LRRC57: variants seen among roughly 807,000 people sequenced by gnomAD.
LRRC57 encodes the protein leucine rich repeat containing 57.
In LRRC57, 14 loss-of-function variants were observed where a neutral mutation model predicts 23.1. The observed-to-expected ratio is 0.61, with a 90% confidence interval of 0.40 to 0.95. LRRC57 has a LOEUF of 0.95. Among genes scored for constraint, LRRC57 ranks in the 40% least tolerant of loss-of-function variants. LRRC57 has a pLI of 0.00. For synonymous variants in LRRC57, 106 were observed against 115.2 expected, an observed-to-expected ratio of 0.92 and a Z score of 0.51; for missense variants, 236 against 284.4, an observed-to-expected ratio of 0.83 and a Z score of 1.22.
chr15:42,547,358 T>C lies in LRRC57; in HGVS notation c.395A>G (p.His132Arg). The C allele has an allele frequency of 6.2e-7, 1 of 1,614,214 alleles. No homozygotes were observed. The highest frequency in any genetic ancestry group is 8.5e-7 in the Non-Finnish European group (1 of 1,180,034). Residue 132 changes from histidine (H) to arginine (R), a missense_variant, in exon 4 of 6, where the codon CAC becomes CGC. Transcript: ENST00000397130. ...CTTAGAGAGATCCATCACATCCAGG[T>C]GCCGTAGGCTACAAAGTTGGGGAGG... ...ALPPQLCSLR[H>R]LDVMDLSKNQ...
At chr15:42,528,731 G>T in the LRRC57 span, among the ~76,000 whole-genome samples, 1 of 152,096 alleles carries the variant, frequency 6.6e-6, no homozygotes, top group Non-Finnish European at 1.5e-5. Flanking sequence ...GACTACAGGT[G>T]TGCGCCACCA....
chr15:42,534,242 T>G (rs1022477550), downstream of LRRC57, among the ~76,000 whole-genome samples: 1 of 152,236 alleles, frequency 6.6e-6, no homozygotes, highest in African/African-American at 2.4e-5. Context: ...GCGATTCTCC[T>G]GCCTCAGCCT....
At chr15:42,544,580 TG>T (rs944924067) in intron 5 of LRRC57, among the ~76,000 whole-genome samples, 1 of 151,698 alleles carries the variant, frequency 6.6e-6, no homozygotes, top group Non-Finnish European at 1.5e-5. Context: ...CCCAGCACCT[TG>T]GGAGGCTGCG....
rs1317513073 is a variant in LRRC57 at position 42,539,497 on chromosome 15, A to AAAAAAAAAAG, written c.*4585_*4586insCTTTTTTTTT. The AAAAAAAAAAG allele has an allele frequency of 1.3e-5, 2 of 149,258 alleles. No individual in the cohort carries two copies. The allele number at this position is 149,258 out of a possible 1,614,324, so 9.2% of individuals were successfully genotyped here. A position where few individuals can be genotyped will look rare whatever the true frequency, so the allele number is the denominator to read the frequency against. On this transcript the variant is annotated 3_prime_UTR_variant, in exon 6 of 6. Transcript: ENST00000397130. ...TGTCTCAAAAAAAAAAAAAAAAAAA[A>AAAAAAAAAAG]AGAGACTTAAAAGCCAGGCAGTGGC...
Position 42,539,477 on chromosome 15 carries a change from C to CAAAAAAAAAAAAAAAAAAAAAAAAAAAA in LRRC57, c.*4605_*4606insTTTTTTTTTTTTTTTTTTTTTTTTTTTT, listed in dbSNP as rs1164646488. The CAAAAAAAAAAAAAAAAAAAAAAAAAAAA allele has an allele frequency of 4.6e-5, 2 of 43,662 alleles. 1 individual carries two copies. Among genetic ancestry groups the CAAAAAAAAAAAAAAAAAAAAAAAAAAAA allele is most frequent in the Non-Finnish European group, 7.3e-5 (2 of 27,402 alleles). 2.7% of individuals were successfully genotyped at this position (43,662 alleles called of 1,614,324 possible). On this transcript the variant is annotated 3_prime_UTR_variant, in exon 6 of 6. Coordinates refer to ENST00000397130, the MANE Select transcript of LRRC57 (RefSeq NM_153260.3). ...TGGGCGAAACAGACAGCCTCTGTCT[C>CAAAAAAAAAAAAAAAAAAAAAAAAAAAA]AAAAAAAAAAAAAAAAAAAAAGAGA...
At chr15:42,528,894 T>A in the LRRC57 span, among the ~76,000 whole-genome samples, 2 of 152,194 alleles carry the variant, frequency 1.3e-5, no homozygotes, top group Non-Finnish European at 2.9e-5. Flanking sequence ...CCAGACAAAA[T>A]GTTGACTGTG....
chr15:42,531,352 A>C, the LRRC57 span: 1 of 1,215,832 alleles, frequency 8.2e-7, no homozygotes, highest in Non-Finnish European at 1.1e-6. Context: ...CCAAGTGTAA[A>C]AAGTTTAATT....
At chr15:42,531,561 C>T in the LRRC57 span, 8 of 1,000,554 alleles carry the variant, frequency 8.0e-6, no homozygotes, top group Middle Eastern at 2.8e-4. Context: ...TTTAAGTTTT[C>T]GGTTCCACGC....
At chr15:42,547,196 A>G (rs2057662324) in intron 4 of LRRC57, 65 bp downstream of exon 4, 1 of 1,521,904 alleles carries the variant, frequency 6.6e-7, no homozygotes. Context: ...CAAGAGGTTA[A>G]CAGGTATCAG....
chr15:42,531,304 C>G, the LRRC57 span: 1 of 620,660 alleles, frequency 1.6e-6, no homozygotes. Flanking sequence ...AATGTAACTT[C>G]ACGTGGTTTC....
At chr15:42,544,810 C>G (rs948720596) in intron 5 of LRRC57, among the ~76,000 whole-genome samples, 3 of 139,462 alleles carry the variant, frequency 2.2e-5, no homozygotes, top group Non-Finnish European at 3.1e-5. Flanking sequence ...GAGTGAGACC[C>G]TGTCTCACAC....
Position 42,543,931 on chromosome 15 carries a change from T to G in LRRC57, c.*152A>C. The G allele has an allele frequency of 3.8e-5, 21 of 552,166 alleles. No individual in the cohort carries two copies. Among genetic ancestry groups the G allele is most frequent in the Non-Finnish European group, 5.8e-5 (18 of 310,636 alleles). 34.2% of individuals were successfully genotyped at this position (552,166 alleles called of 1,614,324 possible). On this transcript the variant is annotated 3_prime_UTR_variant, in exon 6 of 6. Transcript: ENST00000397130. ...AGCTTATTTGAGAAGAGCCCTGAAA[T>G]GAGAAAAGATCATTGAGTGAAATAT... is the stretch of plus-strand genomic sequence containing the variant.
chr15:42,542,781 A>C lies in LRRC57; in HGVS notation c.*1302T>G, dbSNP rs2057636901. 1 of 152,610 alleles carries C rather than the reference A, an allele frequency of 6.6e-6. No individual in the cohort carries two copies. Among genetic ancestry groups the C allele is most frequent in the Non-Finnish European group, 1.5e-5 (1 of 68,044 alleles). The allele number at this position is 152,610 out of a possible 1,614,324, so 9.5% of individuals were successfully genotyped here. A position where few individuals can be genotyped will look rare whatever the true frequency, so the allele number is the denominator to read the frequency against. On this transcript the variant is annotated 3_prime_UTR_variant, in exon 6 of 6. Coordinates refer to ENST00000397130, the MANE Select transcript of LRRC57 (RefSeq NM_153260.3). Reference sequence around the variant, plus strand: ...TGGCTCTTCAGAGCCCTCTACCAATAAGGCACCTGCAATAGTAGATAATTT... The same window carrying C: ...TGGCTCTTCAGAGCCCTCTACCAATCAGGCACCTGCAATAGTAGATAATTT...
chr15:42,546,810 A>C (rs1218127681), intron 4 of LRRC57, among the ~76,000 whole-genome samples: 1 of 152,228 alleles, frequency 6.6e-6, no homozygotes, highest in Non-Finnish European at 1.5e-5. Flanking sequence ...AAGGAGACAC[A>C]CTTTGTAACA....
chr15:42,541,720 T>C lies in LRRC57; in HGVS notation c.*2363A>G, dbSNP rs1025761861. 6.6e-6 allele frequency: 1 copy of C among 152,070 alleles called. No individual in the cohort carries two copies. Among genetic ancestry groups the C allele is most frequent in the Non-Finnish European group, 1.5e-5 (1 of 68,026 alleles). The allele number at this position is 152,070 out of a possible 1,614,324, so 9.4% of individuals were successfully genotyped here. A position where few individuals can be genotyped will look rare whatever the true frequency, so the allele number is the denominator to read the frequency against. ...ATGGTAGCTTTCTAAATGTTGATGT[T>C]AGTGGTAGTCTGAAATCCTCTACCT... On this transcript the variant is annotated 3_prime_UTR_variant, in exon 6 of 6. Coordinates refer to ENST00000397130, the MANE Select transcript of LRRC57 (RefSeq NM_153260.3).
At chr15:42,529,067 C>T in the LRRC57 span, among the ~76,000 whole-genome samples, 8 of 152,188 alleles carry the variant, frequency 5.3e-5, no homozygotes, top group Non-Finnish European at 7.3e-5. Context: ...AGATCTGTAA[C>T]GAGCCAGAGA....
rs986744821 is a variant in LRRC57, at chr15:42,540,581, G to A, written c.*3502C>T. On this transcript the variant is annotated 3_prime_UTR_variant, in exon 6 of 6. Transcript: ENST00000397130. ...GAAAAGACTGCACTGTGGGTTTAGA[G>A]AGAATAATCTGATATGGGTGGGCAG... is the stretch of plus-strand genomic sequence containing the variant. 1 of 152,150 alleles carries A rather than the reference G, an allele frequency of 6.6e-6. No homozygotes were observed. The highest frequency in any genetic ancestry group is 2.4e-5 in the African/African-American group (1 of 41,420). The allele number at this position is 152,150 out of a possible 1,614,324, so 9.4% of individuals were successfully genotyped here.
rs112517849 is a variant in LRRC57 at position 42,544,841 on chromosome 15, A to T, written c.678+236T>A. The stretch of plus-strand genomic sequence containing the variant: ...CACACACACACACACACACACACAC[A>T]CTATATATATATATATATCAAAAGA... On this transcript the variant is annotated intron_variant, in intron 5 of 5. Transcript: ENST00000397130. 9.9e-4 allele frequency among the ~76,000 whole-genome samples: 106 copies of T among 106,634 alleles called. 2 individuals are homozygous for T. Among genetic ancestry groups the T allele is most frequent in the African/African-American group, 5.0e-3 (97 of 19,570 alleles). The allele number at this position is 106,634 out of a possible 152,430, so 70.0% of individuals were successfully genotyped here.
chr15:42,528,504 A>T, the LRRC57 span: 8 of 1,214,790 alleles, frequency 6.6e-6, no homozygotes, highest in African/African-American at 1.2e-4. Flanking sequence ...CATGACCCCT[A>T]ATAAAACAAA....
Sources: gnomAD v4.1 joint callset for allele counts (sites outside exome capture counted in the v4.1 genomes callset) on GRCh38, gnomAD v4.1.1 for gene constraint, MANE v1.5 for transcripts, NCBI Gene and HGNC (gene_info 2026-07-23, HGNC 2026-07-21) for gene names.